Variants in TUT1 observed in about 807,000 individuals in gnomAD.
TUT1 encodes the protein terminal uridylyl transferase 1, U6 snRNA-specific, also known as speckle targeted PIP5K1A-regulated poly(A) polymerase.
TUT1 carries 26 observed loss-of-function variants against 48.8 expected under a neutral mutation model. That is an observed-to-expected ratio of 0.53 (90% CI 0.39 to 0.74). The LOEUF is 0.74. Among genes scored for constraint, TUT1 ranks in the 30% least tolerant of loss-of-function variants. The pLI, the probability that TUT1 is intolerant of heterozygous loss-of-function variation, is 0.00. For synonymous variants in TUT1, 470 were observed against 460.8 expected (o/e 1.02, Z -0.26); for missense variants, 1,065 against 1,114.8 (o/e 0.96, Z 0.64).
intron 4 of TUT1, among the ~76,000 whole-genome samples, chr11:62,579,812 C>T (rs575476598): frequency 1.3e-5 from 2 of 151,900 alleles, no homozygotes; most frequent in South Asian, 2.1e-4. Context: ...ATTACAGGTA[C>T]GTGCCACCAT....
intron 2 of TUT1, among the ~76,000 whole-genome samples, chr11:62,583,539 T>C (rs944100882): frequency 1.3e-5 from 2 of 151,976 alleles, no homozygotes; most frequent in Admixed American, 6.6e-5. Context: ...CGGAGGTTAC[T>C]GTGAGCCGAG....
At chr11:62,578,414 G>A (rs564171852) in intron 5 of TUT1, 147 bp downstream of exon 5, 158 of 705,538 alleles carry the variant, frequency 2.2e-4, no homozygotes, top group African/African-American at 2.2e-3. Context: ...GCGTGGTGGC[G>A]CATGCCTGTA....
chr11:62,578,757 T>C lies in TUT1; in HGVS notation c.964A>G (p.Lys322Glu). 2.5e-6 allele frequency: 4 copies of C among 1,614,068 alleles called. No homozygotes were observed. The South Asian group carries it at 4.4e-5, about 18-fold the overall frequency. The stretch of plus-strand genomic sequence containing the variant: ...GGGGTCTCTGCTAGTTCCGAGGCCT[T>C]CCCCAGGTCCCCCTCTTCCCTGTCC... ...LEDREEGDLGKASELAETPKE... is the reference protein window; with the variant it reads ...LEDREEGDLGEASELAETPKE... Residue 322 changes from lysine (K) to glutamate (E), a missense_variant, in exon 5 of 9, where the codon AAG becomes GAG. Coordinates refer to ENST00000476907, the MANE Select transcript of TUT1 (RefSeq NM_022830.3).
intron 5 of TUT1, 169 bp from the exon 6 acceptor site, chr11:62,577,460 G>T: frequency 1.6e-6 from 1 of 608,998 alleles, no homozygotes; most frequent in East Asian, 2.9e-5. Flanking sequence ...GGACAAAGGA[G>T]TTCGGGAAAC....
chr11:62,578,710 C>T lies in TUT1; in HGVS notation c.1011G>A (p.Gly337=), dbSNP rs1321209628. ...ATCCCACCAGCTCCAGCATTGCTGC[C>T]CCCTCTGCTTTCTCCTCCTTTGGGG... ...AETPKEEKAE[G]AAMLELVGSI... The change falls in exon 5 of 9, where the codon GGG becomes GGA. Residue 337 remains glycine (G), a synonymous_variant. Transcript: ENST00000476907. 1.9e-6 allele frequency: 3 copies of T among 1,614,180 alleles called. No individual in the cohort carries two copies. Among genetic ancestry groups the T allele is most frequent in the South Asian group, 1.1e-5 (1 of 91,074 alleles).
At chr11:62,577,909 A>C (rs1195092135) in intron 5 of TUT1, among the ~76,000 whole-genome samples, 1 of 151,880 alleles carries the variant, frequency 6.6e-6, no homozygotes, top group African/African-American at 2.4e-5. Context: ...TAAAAATACA[A>C]AATTAGCTGG....
At position 62,581,729 on chromosome 11, in the gene TUT1, G is replaced by T. The variant is rs766027575; in HGVS notation, c.274-28C>A. 13 of 1,398,124 alleles carry T rather than the reference G, an allele frequency of 9.3e-6. 1 individual carries two copies. The South Asian group carries it at 1.4e-4, about 15-fold the overall frequency. The allele number at this position is 1,398,124 out of a possible 1,614,324, so 86.6% of individuals were successfully genotyped here. ...GGTAAACAACAGGGGCAGAGATGAT[G>T]ATTTTGGAACCAAGAATCTAAGCAC... is the stretch of plus-strand genomic sequence containing the variant. On this transcript the variant is annotated intron_variant, in intron 2 of 8. Transcript: ENST00000476907.
rs1159283068 is a variant in TUT1, at chr11:62,577,285, G to A, written c.1167C>T (p.Ala389=). ...HGDVSLSNRL[A]LHNSRFLSLC... is the part of the protein sequence containing the mutation. ...GACTCAGGAAACGGGAGTTATGCAG[G>A]GCCAGCCTGGGACAAAGCAGGGACA... The change falls in exon 6 of 9, where the codon GCC becomes GCT. Residue 389 remains alanine (A), a synonymous_variant. Transcript: ENST00000476907. 6.2e-7 allele frequency: 1 copy of A among 1,612,222 alleles called. No homozygotes were observed. Among genetic ancestry groups the A allele is most frequent in the African/African-American group, 1.3e-5 (1 of 74,820 alleles).
intron 5 of TUT1, among the ~76,000 whole-genome samples, chr11:62,578,116 A>G (rs1322351265): frequency 6.6e-6 from 1 of 152,036 alleles, no homozygotes; most frequent in Non-Finnish European, 1.5e-5. Flanking sequence ...CACTTTACAA[A>G]CACTGAAATG....
At chr11:62,587,244 C>T (rs995197554) in intron 2 of TUT1, among the ~76,000 whole-genome samples, 6 of 152,056 alleles carry the variant, frequency 3.9e-5, no homozygotes, top group African/African-American at 9.7e-5. Flanking sequence ...TGCAATGGCG[C>T]GATGTCGGCT....
intron 2 of TUT1, among the ~76,000 whole-genome samples, chr11:62,585,516 G>C: frequency 6.6e-6 from 1 of 151,510 alleles, no homozygotes; most frequent in East Asian, 1.9e-4. Context: ...AGGCATCAGG[G>C]AGGGCAGGAC....
chr11:62,575,998 C>T lies in TUT1; in HGVS notation c.1721G>A (p.Cys574Tyr). 1 of 1,613,894 alleles carries T rather than the reference C, an allele frequency of 6.2e-7. No individual in the cohort carries two copies. The highest frequency in any genetic ancestry group is 1.1e-5 in the South Asian group (1 of 91,082). ...ACGGCGCTGGTACTGGAGGCTTCGG[C>T]AGTAATTGGCTGCTGCTCGGCAGCA... is the stretch of plus-strand genomic sequence containing the variant. ...QNCCRAAANY[C>Y]RSLQYQRRSS... Residue 574 changes from cysteine (C) to tyrosine (Y), a missense_variant, in exon 9 of 9, where the codon TGC becomes TAC. Transcript: ENST00000476907.
rs763103138 is a variant in TUT1 at position 62,591,499 on chromosome 11, T to C, written c.-14A>G. ...CACCGCCGCCATAGCGACTCTCCTG[T>C]ACCGACAAAAACACAAGCACCTCTG... is the stretch of plus-strand genomic sequence containing the variant. On this transcript the variant is annotated 5_prime_UTR_variant, in exon 1 of 9. Transcript: ENST00000476907. The C allele has an allele frequency of 2.5e-6, 4 of 1,614,070 alleles. No individual in the cohort carries two copies. In the Admixed American group the frequency reaches 5.0e-5, roughly 20 times the overall value.
intron 1 of TUT1, 152 bp from the exon 2 acceptor site, chr11:62,589,373 C>G: frequency 1.6e-6 from 1 of 630,074 alleles, no homozygotes; most frequent in Non-Finnish European, 2.7e-6. Flanking sequence ...ACCTTCCTCT[C>G]TTATACATTT....
At chr11:62,590,362 C>A (rs1054281877) in intron 1 of TUT1, among the ~76,000 whole-genome samples, 1 of 152,172 alleles carries the variant, frequency 6.6e-6, no homozygotes, top group South Asian at 2.1e-4. Context: ...GTAGGCCGGG[C>A]GCGGTGGCTC....
rs770336632 is a variant in TUT1 at position 62,581,662 on chromosome 11, G to A, written c.313C>T (p.Arg105Ter). The A allele has an allele frequency of 1.3e-6, 2 of 1,499,582 alleles. No individual in the cohort carries two copies. Among genetic ancestry groups the A allele is most frequent in the South Asian group, 1.4e-5 (1 of 73,150 alleles). The allele number at this position is 1,499,582 out of a possible 1,614,324, so 92.9% of individuals were successfully genotyped here. The change falls in exon 3 of 9, where the codon CGA becomes TGA. Residue 105 changes from arginine (R) to a stop codon, truncating the protein, a stop_gained. Coordinates refer to ENST00000476907, the MANE Select transcript of TUT1 (RefSeq NM_022830.3). LOFTEE classifies it high-confidence loss of function. Reference protein sequence around the residue: ...AIVEMGDVGAREAVLSQSQHS... With the variant: ...AIVEMGDVGA The stretch of plus-strand genomic sequence containing the variant: ...TGGGACTGTGACAAGACAGCCTCTC[G>A]AGCACCCACGTCCCCCATCTCCACA...
chr11:62,577,416 G>A, intron 5 of TUT1, 125 bp from the exon 6 acceptor site: 1 of 726,412 alleles, frequency 1.4e-6, no homozygotes, highest in Non-Finnish European at 2.3e-6. Flanking sequence ...TTCCCCAAAT[G>A]TTGCTCACTG....
Position 62,578,893 on chromosome 11 carries a change from C to A in TUT1, c.828G>T (p.Leu276=). ...GGGAGGAGGAAGGGGTTTCAAAGTC[C>A]AGGGCTTCAGAATCCTGGGGAGAAG... ...PPASPQDSEA[L]DFETPSSSLA... The change falls in exon 5 of 9, where the codon CTG becomes CTT. Residue 276 remains leucine (L), a synonymous_variant. Coordinates refer to ENST00000476907, the MANE Select transcript of TUT1 (RefSeq NM_022830.3). 1 of 1,601,864 alleles carries A rather than the reference C, an allele frequency of 6.2e-7. No homozygotes were observed. Among genetic ancestry groups the A allele is most frequent in the Non-Finnish European group, 8.5e-7 (1 of 1,173,638 alleles).
intron 2 of TUT1, among the ~76,000 whole-genome samples, chr11:62,582,784 T>C (rs1167660735): frequency 6.6e-6 from 1 of 152,176 alleles, no homozygotes; most frequent in African/African-American, 2.4e-5. Flanking sequence ...TTTAAACATT[T>C]ATTAAGGATC....
Sources: gnomAD v4.1 joint callset for allele counts (sites outside exome capture counted in the v4.1 genomes callset) on GRCh38, gnomAD v4.1.1 for gene constraint, MANE v1.5 for transcripts, NCBI Gene and HGNC (gene_info 2026-07-23, HGNC 2026-07-21) for gene names.